Variants in NTRK2 observed in about 807,000 individuals in gnomAD.
NTRK2 encodes neurotrophic receptor tyrosine kinase 2.
NTRK2 carries 13 observed loss-of-function variants against 94.5 expected under a neutral mutation model. The observed-to-expected ratio is 0.14, with a 90% confidence interval of 0.09 to 0.22. NTRK2 has a LOEUF of 0.22. Among genes scored for constraint, NTRK2 ranks in the 10% least tolerant of loss-of-function variants. NTRK2 has a pLI of 1.00. For missense variants in NTRK2, 639 were observed against 1,071.2 expected, an observed-to-expected ratio of 0.60 and a Z score of 5.63; for synonymous variants, 372 against 407.4, an observed-to-expected ratio of 0.91 and a Z score of 1.05.
intron 12 of NTRK2, chr9:84,812,981 C>T: frequency 9.7e-7 from 1 of 1,034,502 alleles, no homozygotes; most frequent in African/African-American, 1.7e-5. Flanking sequence ...AAGGGATGAT[C>T]AGTAACATAG....
intron 12 of NTRK2, among the ~76,000 whole-genome samples, chr9:84,831,686 A>G (rs2073557635): frequency 6.6e-6 from 1 of 152,248 alleles, no homozygotes; most frequent in Non-Finnish European, 1.5e-5. Context: ...TGTCACAGCA[A>G]GAATTCAGAC....
chr9:84,940,799 G>T (rs2078383279), intron 15 of NTRK2, among the ~76,000 whole-genome samples: 1 of 151,196 alleles, frequency 6.6e-6, no homozygotes, highest in Non-Finnish European at 1.5e-5. Flanking sequence ...CTCTACCCAG[G>T]TAAGGTTATT....
chr9:84,851,488 A>G (rs2074766803), intron 12 of NTRK2, among the ~76,000 whole-genome samples: 2 of 152,188 alleles, frequency 1.3e-5, no homozygotes, highest in Admixed American at 1.3e-4. Context: ...TAATCCTGTT[A>G]TGTTCTATTC....
chr9:84,760,133 GA>G (rs1331441826), intron 12 of NTRK2, among the ~76,000 whole-genome samples: 1 of 152,150 alleles, frequency 6.6e-6, no homozygotes, highest in Non-Finnish European at 1.5e-5. Flanking sequence ...GAAGACATAT[GA>G]ATCAAACATG....
intron 12 of NTRK2, among the ~76,000 whole-genome samples, chr9:84,800,962 A>T (rs564057988): frequency 4.6e-5 from 7 of 152,254 alleles, no homozygotes; most frequent in African/African-American, 7.2e-5. Context: ...CCTTTCCATG[A>T]CTTTTTGCTT....
intron 14 of NTRK2, chr9:84,878,005 T>G: frequency 2.4e-5 from 22 of 934,896 alleles, no homozygotes; most frequent in Non-Finnish European, 2.8e-5. Context: ...AACAGAGCTC[T>G]AGAAGTTGTC....
intron 17 of NTRK2, among the ~76,000 whole-genome samples, chr9:85,018,660 G>C (rs1832503528): frequency 6.6e-6 from 1 of 152,192 alleles, no homozygotes; most frequent in African/African-American, 2.4e-5. Context: ...GAAATGTGCT[G>C]AAATAGCTGC....
chr9:85,019,716 G>A (rs1238079894), intron 17 of NTRK2, among the ~76,000 whole-genome samples: 1 of 152,268 alleles, frequency 6.6e-6, no homozygotes, highest in South Asian at 2.1e-4. Flanking sequence ...CCTGCCCATC[G>A]CTGAGTGATG....
At chr9:85,015,885 T>C (rs1022586674) in intron 17 of NTRK2, among the ~76,000 whole-genome samples, 3 of 152,130 alleles carry the variant, frequency 2.0e-5, no homozygotes, top group African/African-American at 7.2e-5. Flanking sequence ...GTGTGGAGAC[T>C]GGAGAAAGCA....
At chr9:84,886,176 A>G (rs1587825598) in intron 14 of NTRK2, among the ~76,000 whole-genome samples, 1 of 152,350 alleles carries the variant, frequency 6.6e-6, no homozygotes, top group South Asian at 2.1e-4. Context: ...TATGTGACCA[A>G]TGAGACCACT....
intron 12 of NTRK2, among the ~76,000 whole-genome samples, chr9:84,843,006 A>G (rs2074268538): frequency 6.6e-6 from 1 of 152,176 alleles, no homozygotes; most frequent in African/African-American, 2.4e-5. Context: ...CTACATATTC[A>G]CTTTGCTTCA....
chr9:84,745,086 A>G lies in NTRK2; in HGVS notation c.1296+13A>G, dbSNP rs745547663. 2 of 1,592,714 alleles carry G rather than the reference A, an allele frequency of 1.3e-6. No homozygotes were observed. Among genetic ancestry groups the G allele is most frequent in the South Asian group, 1.1e-5 (1 of 90,606 alleles). ...GGAACATCTCTCGGTGAGTGGAATA[A>G]ATAGGTGTCTGAATTGGTTCTGAGC... On this transcript the variant is annotated intron_variant, in intron 11 of 18. Coordinates refer to ENST00000277120, the MANE Select transcript of NTRK2 (RefSeq NM_006180.6).
chr9:84,705,703 A>G (rs945247421), intron 4 of NTRK2, among the ~76,000 whole-genome samples: 3 of 151,414 alleles, frequency 2.0e-5, no homozygotes, highest in Non-Finnish European at 2.9e-5. Context: ...TCTGATGAAG[A>G]TGAAAGCATT....
At chr9:84,875,613 T>C in intron 14 of NTRK2, 1 of 1,061,218 alleles carries the variant, frequency 9.4e-7, no homozygotes. Context: ...CTCATACATT[T>C]CCTGATGTTT....
rs567690921 is a variant in NTRK2, at chr9:84,935,113, A to G, written c.1764+821A>G. On this transcript the variant is annotated intron_variant, in intron 15 of 18. Coordinates refer to ENST00000277120, the MANE Select transcript of NTRK2 (RefSeq NM_006180.6). ...TATTTAAAACACTTAAAAGGGGCAT[A>G]TATTTATAAAATGAATTAAGCTCCA... Among the ~76,000 whole-genome samples the G allele has an allele frequency of 3.9e-5, 6 of 152,362 alleles. 1 individual carries two copies. The South Asian group carries it at 1.2e-3, about 32-fold the overall frequency.
At chr9:84,953,033 T>G (rs991329035) in intron 16 of NTRK2, among the ~76,000 whole-genome samples, 1 of 152,210 alleles carries the variant, frequency 6.6e-6, no homozygotes, top group African/African-American at 2.4e-5. Context: ...TTATTTCAGA[T>G]TTTCTTTAGT....
chr9:84,806,171 G>A (rs2071087620), intron 12 of NTRK2, among the ~76,000 whole-genome samples: 1 of 152,138 alleles, frequency 6.6e-6, no homozygotes, highest in African/African-American at 2.4e-5. Flanking sequence ...GTCCTCCTGT[G>A]GGATGAAGTC....
chr9:84,788,104 T>A (rs923743584), intron 12 of NTRK2, among the ~76,000 whole-genome samples: 25 of 152,190 alleles, frequency 1.6e-4, no homozygotes, highest in African/African-American at 6.0e-4. Flanking sequence ...CTATGGTACA[T>A]AATAAGCATA....
At chr9:84,940,577 G>T (rs992146431) in intron 15 of NTRK2, among the ~76,000 whole-genome samples, 1 of 152,098 alleles carries the variant, frequency 6.6e-6, no homozygotes, top group Non-Finnish European at 1.5e-5. Context: ...TTCATGCCAG[G>T]ACACCTACCT....
Sources: gnomAD v4.1 joint callset for allele counts (sites outside exome capture counted in the v4.1 genomes callset) on GRCh38, gnomAD v4.1.1 for gene constraint, MANE v1.5 for transcripts, NCBI Gene and HGNC (gene_info 2026-07-23, HGNC 2026-07-21) for gene names.